The following MACROH2A1 variants were observed in gnomAD, a reference collection of about 807,000 sequenced individuals.
MACROH2A1 encodes core histone macro-H2A.1.
MACROH2A1 carries 2 observed loss-of-function variants against 31.6 expected under a neutral mutation model. The ratio of observed to expected loss-of-function variants is 0.06; its 90% CI spans 0.03 to 0.20. MACROH2A1 has a LOEUF of 0.20. MACROH2A1 is among the 10% of genes least tolerant of loss of function. The probability of loss-of-function intolerance (pLI) is 1.00; values close to 1 mark genes in which losing one functional copy is unlikely to be tolerated. For synonymous variants in MACROH2A1, 169 were observed against 189.6 expected, an observed-to-expected ratio of 0.89 and a Z score of 0.89; for missense variants, 230 against 474.0, an observed-to-expected ratio of 0.49 and a Z score of 4.78.
rs757002605 is a variant in MACROH2A1, at chr5:135,346,023, A to G, written c.723T>C (p.Phe241=). Residue 241 remains phenylalanine, a synonymous_variant, in exon 7 of 9, where the codon TTT becomes TTC. Coordinates refer to ENST00000511689, the MANE Select transcript of MACROH2A1 (RefSeq NM_138610.3). ...NTLEKKGGKE[F]VEAVLELRKK... ...TCCGGAGTTCCAGGACAGCTTCCAC[A>G]AACTCCTTGCCACCTTTCTTCTCCA... is the stretch of plus-strand genomic sequence containing the variant. The G allele has an allele frequency of 9.9e-6, 16 of 1,613,934 alleles. No homozygotes were observed. In the East Asian group the frequency reaches 3.1e-4, roughly 31 times the overall value.
In MACROH2A1 at chr5:135,365,882, G is replaced by C. The variant is rs552284927; in HGVS notation, c.477+3524C>G. Among the ~76,000 whole-genome samples the C allele has an allele frequency of 2.0e-5, 3 of 152,310 alleles. No homozygotes were observed. The East Asian group carries it at 5.8e-4, about 29-fold the overall frequency. ...ACAATCTAAAAGTCCACTTGTAGAAGGGTGATGATATGGTTTGGCTCTGTG... is the reference window on the plus strand; with the variant it reads ...ACAATCTAAAAGTCCACTTGTAGAACGGTGATGATATGGTTTGGCTCTGTG... On this transcript the variant is annotated intron_variant, in intron 4 of 8. Coordinates refer to ENST00000511689, the MANE Select transcript of MACROH2A1 (RefSeq NM_138610.3).
At chr5:135,391,872 G>A (rs577748443) in intron 1 of MACROH2A1, among the ~76,000 whole-genome samples, 2 of 152,226 alleles carry the variant, frequency 1.3e-5, no homozygotes, top group Non-Finnish European at 1.5e-5. Context: ...ATTCTCAACC[G>A]CACCAGTCTT....
chr5:135,353,201 A>G (rs150735948), intron 5 of MACROH2A1, 156 bp from the exon 6 acceptor site: 185 of 612,986 alleles, frequency 3.0e-4, no homozygotes, highest in Admixed American at 1.4e-3. Flanking sequence ...CATTTCAAAC[A>G]TAAGACTCAA....
intron 8 of MACROH2A1, among the ~76,000 whole-genome samples, chr5:135,340,685 T>C (rs1279342889): frequency 6.6e-6 from 1 of 152,254 alleles, no homozygotes; most frequent in Non-Finnish European, 1.5e-5. Flanking sequence ...TTTCCCAACA[T>C]GCTTACCTTT....
In MACROH2A1 at chr5:135,358,619, CA is replaced by C. The variant is rs1762461392; in HGVS notation, c.588+1877del. 1.1e-5 allele frequency: 11 copies of C among 984,800 alleles called. No individual in the cohort carries two copies. In the South Asian group the frequency reaches 3.3e-4, roughly 29 times the overall value. 61.0% of individuals were successfully genotyped at this position (984,800 alleles called of 1,614,324 possible). On this transcript the variant is annotated intron_variant, in intron 5 of 8. Transcript: ENST00000511689. The stretch of plus-strand genomic sequence containing the variant: ...AACCATTCCTTTCAAATTTTCCTTC[CA>C]AAAGTCAAGATAAGCACATTAATTT...
chr5:135,380,374 C>A (rs1206985911), intron 2 of MACROH2A1, among the ~76,000 whole-genome samples: 1 of 152,194 alleles, frequency 6.6e-6, no homozygotes, highest in African/African-American at 2.4e-5. Flanking sequence ...CTAACTCTTT[C>A]ATTAATCAAT....
At chr5:135,358,951 C>A (rs1389683361) in intron 5 of MACROH2A1, 2 of 985,328 alleles carry the variant, frequency 2.0e-6, no homozygotes, top group Non-Finnish European at 2.4e-6. Flanking sequence ...TTGCCCCCTC[C>A]CCTCCAGGGC....
intron 8 of MACROH2A1, among the ~76,000 whole-genome samples, chr5:135,335,780 G>A (rs1386011479): frequency 6.6e-6 from 1 of 152,206 alleles, no homozygotes; most frequent in African/African-American, 2.4e-5. Context: ...ATTTTTGGAG[G>A]TAGGTGCTCT....
intron 2 of MACROH2A1, among the ~76,000 whole-genome samples, chr5:135,377,664 C>G (rs1047662770): frequency 6.6e-6 from 1 of 152,222 alleles, no homozygotes; most frequent in South Asian, 2.1e-4. Context: ...ACGTTTTGCT[C>G]TACTCCCTTT....
At chr5:135,350,782 C>CCATGCACACACA in intron 6 of MACROH2A1, 1 of 1,231,554 alleles carries the variant, frequency 8.1e-7, no homozygotes, top group Non-Finnish European at 1.2e-6. Flanking sequence ...GGCCGACTGA[C>CCATGCACACACA]CATGCACACA....
intron 4 of MACROH2A1, among the ~76,000 whole-genome samples, chr5:135,365,908 C>A (rs941593849): frequency 1.3e-5 from 2 of 152,014 alleles, no homozygotes; most frequent in Non-Finnish European, 2.9e-5. Flanking sequence ...TGGCTCTGTG[C>A]CCCCCACCCA....
intron 1 of MACROH2A1, among the ~76,000 whole-genome samples, chr5:135,394,628 C>G (rs1767713118): frequency 6.6e-6 from 1 of 152,194 alleles, no homozygotes; most frequent in Non-Finnish European, 1.5e-5. Flanking sequence ...TCTGCAAATG[C>G]AGTTTCCAGC....
intron 8 of MACROH2A1, among the ~76,000 whole-genome samples, chr5:135,338,617 C>T (rs1307617202): frequency 6.6e-6 from 1 of 152,256 alleles, no homozygotes; most frequent in African/African-American, 2.4e-5. Context: ...TACATAGAGG[C>T]TCCCCAGTGC....
chr5:135,341,106 G>A (rs1332083004), intron 8 of MACROH2A1, among the ~76,000 whole-genome samples: 1 of 152,152 alleles, frequency 6.6e-6, no homozygotes, highest in Non-Finnish European at 1.5e-5. Context: ...GTTTCCTATT[G>A]CCTCCCTCTG....
chr5:135,359,937 G>A, intron 5 of MACROH2A1: 1 of 981,750 alleles, frequency 1.0e-6, no homozygotes, highest in African/African-American at 1.7e-5. Flanking sequence ...TGCATCACTG[G>A]GGCGGCTGAA....
intron 2 of MACROH2A1, among the ~76,000 whole-genome samples, chr5:135,374,484 G>A (rs1325244378): frequency 1.3e-5 from 2 of 152,204 alleles, no homozygotes; most frequent in South Asian, 4.1e-4. Context: ...AGCAATGCCT[G>A]CCTGCCCCCC....
intron 4 of MACROH2A1, among the ~76,000 whole-genome samples, chr5:135,368,736 C>T (rs958375644): frequency 6.6e-6 from 1 of 152,218 alleles, no homozygotes; most frequent in Non-Finnish European, 1.5e-5. Flanking sequence ...CAGGTGAGCA[C>T]AGCAATCACA....
intron 4 of MACROH2A1, 159 bp from the exon 5 acceptor site, chr5:135,360,766 T>G (rs1166213114): frequency 2.8e-6 from 2 of 704,156 alleles, no homozygotes; most frequent in Non-Finnish European, 5.2e-6. Flanking sequence ...AGACTCATTT[T>G]GAGGTACAAG....
At chr5:135,359,043 T>TGGAC in intron 5 of MACROH2A1, 1 of 985,446 alleles carries the variant, frequency 1.0e-6, no homozygotes, top group East Asian at 1.1e-4. Context: ...GCATTTTGCA[T>TGGAC]GGACATTTTT....
Sources: allele counts gnomAD v4.1 joint callset (sites outside exome capture counted in the v4.1 genomes callset), GRCh38; gene constraint gnomAD v4.1.1; transcripts MANE v1.5; gene names NCBI Gene and HGNC (gene_info 2026-07-23, HGNC 2026-07-21).